DAB1: variants seen among roughly 807,000 people sequenced by gnomAD.
DAB1 encodes DAB adaptor protein 1, also known as disabled homolog 1.
Under a neutral mutation model 64.6 loss-of-function variants are expected in DAB1, and 15 were observed. The observed-to-expected ratio is 0.23, with a 90% confidence interval of 0.16 to 0.36. The LOEUF (loss-of-function observed/expected upper bound fraction) is 0.36. DAB1 is among the 10% of genes least tolerant of loss of function. The probability of loss-of-function intolerance (pLI) is 1.00; values close to 1 mark genes in which losing one functional copy is unlikely to be tolerated. For synonymous variants in DAB1, 235 were observed against 251.9 expected, an observed-to-expected ratio of 0.93 and a Z score of 0.64; for missense variants, 596 against 706.7, an observed-to-expected ratio of 0.84 and a Z score of 1.78.
chr1:57,824,090 A>C (rs1487783912), downstream of DAB1, among the ~76,000 whole-genome samples: 1 of 152,208 alleles, frequency 6.6e-6, no homozygotes, highest in Non-Finnish European at 1.5e-5. Flanking sequence ...CATTTCTGTC[A>C]ATTCATTTAG....
chr1:57,673,751 T>A (rs1483613930), intron 6 of DAB1, among the ~76,000 whole-genome samples: 2 of 152,182 alleles, frequency 1.3e-5, no homozygotes, highest in Admixed American at 6.6e-5. Context: ...TAAAATTCTT[T>A]CAGATTTGAA....
intron 3 of DAB1, among the ~76,000 whole-genome samples, chr1:58,503,952 T>C (rs1645947689): frequency 6.6e-6 from 1 of 152,184 alleles, no homozygotes; most frequent in Non-Finnish European, 1.5e-5. Flanking sequence ...CCTTTCAAAA[T>C]ATATCCAGAA....
intron 3 of DAB1, among the ~76,000 whole-genome samples, chr1:58,486,911 G>A (rs946366537): frequency 2.0e-5 from 3 of 152,244 alleles, no homozygotes; most frequent in Admixed American, 1.3e-4. Flanking sequence ...AAAGGGGCAT[G>A]TGGTGAAGTT....
At chr1:57,116,621 C>T (rs114141068) in intron 4 of DAB1, among the ~76,000 whole-genome samples, 258 of 152,222 alleles carry the variant, frequency 1.7e-3, no homozygotes, top group Non-Finnish European at 2.6e-3. Context: ...GCAAAGTGGA[C>T]AGTTCAGTGT....
intron 4 of DAB1, among the ~76,000 whole-genome samples, chr1:57,077,322 C>A (rs1216086709): frequency 6.6e-6 from 1 of 152,124 alleles, no homozygotes; most frequent in Non-Finnish European, 1.5e-5. Context: ...TGGTTCTTCT[C>A]AATCTTACCC....
intron 3 of DAB1, among the ~76,000 whole-genome samples, chr1:58,485,256 A>AAAG (rs1645557772): frequency 6.9e-6 from 1 of 145,122 alleles, no homozygotes; most frequent in Non-Finnish European, 1.5e-5. Context: ...AAAAAAAAAA[A>AAAG]GCTGGCCTGG....
intron 4 of DAB1, among the ~76,000 whole-genome samples, chr1:58,309,137 C>T (rs1662373263): frequency 6.6e-6 from 1 of 152,102 alleles, no homozygotes; most frequent in African/African-American, 2.4e-5. Flanking sequence ...GATATTGTTT[C>T]TTTGTGAAGT....
At chr1:58,516,461 T>A (rs1646159201) in intron 2 of DAB1, among the ~76,000 whole-genome samples, 1 of 152,246 alleles carries the variant, frequency 6.6e-6, no homozygotes, top group Non-Finnish European at 1.5e-5. Flanking sequence ...CTTGTTATTC[T>A]ATGCTTAATT....
chr1:57,799,591 G>C (rs1651032276), intron 6 of DAB1, among the ~76,000 whole-genome samples: 1 of 151,820 alleles, frequency 6.6e-6, no homozygotes. Flanking sequence ...GATCTGGGGG[G>C]GGCTTTCAGG....
intron 1 of DAB1, among the ~76,000 whole-genome samples, chr1:57,342,996 G>A (rs543606055): frequency 6.7e-4 from 74 of 109,654 alleles, no homozygotes; most frequent in African/African-American, 2.5e-3. Flanking sequence ...ACCCGAGCGG[G>A]TTGCCACTGC....
At chr1:57,533,399 T>G (rs916478336) in intron 7 of DAB1, among the ~76,000 whole-genome samples, 4 of 152,012 alleles carry the variant, frequency 2.6e-5, no homozygotes, top group Admixed American at 6.6e-5. Context: ...ATGATTTTTT[T>G]TTTTACTTTT....
intron 2 of DAB1, among the ~76,000 whole-genome samples, chr1:57,157,438 G>T (rs939150416): frequency 2.0e-5 from 3 of 152,242 alleles, no homozygotes; most frequent in South Asian, 2.1e-4. Context: ...ATTTCTCATG[G>T]TTCTGGAGGC....
chr1:57,456,712 AT>A (rs1218984708), intron 7 of DAB1, among the ~76,000 whole-genome samples: 3 of 152,148 alleles, frequency 2.0e-5, no homozygotes, highest in African/African-American at 7.2e-5. Context: ...CCATTGAGTT[AT>A]TTTAAAATAT....
At chr1:57,883,028 G>A (rs538026980) in intron 1 of DAB1, among the ~76,000 whole-genome samples, 1 of 152,280 alleles carries the variant, frequency 6.6e-6, no homozygotes, top group South Asian at 2.1e-4. Context: ...ACTATATCAT[G>A]CATACAGTTT....
At chr1:57,691,522 C>T (rs1008978664) in intron 6 of DAB1, among the ~76,000 whole-genome samples, 1 of 152,126 alleles carries the variant, frequency 6.6e-6, no homozygotes, top group South Asian at 2.1e-4. Context: ...CACAATAAAT[C>T]TTGCTACTGA....
intron 9 of DAB1, among the ~76,000 whole-genome samples, chr1:57,056,438 A>C (rs1649767366): frequency 6.7e-6 from 1 of 149,554 alleles, no homozygotes; most frequent in Non-Finnish European, 1.5e-5. Context: ...ACAGGAGTTT[A>C]AGGATACAGT....
chr1:57,466,584 C>T (rs1423868206), intron 7 of DAB1, among the ~76,000 whole-genome samples: 1 of 152,150 alleles, frequency 6.6e-6, no homozygotes, highest in Non-Finnish European at 1.5e-5. Context: ...TTTATTCTCC[C>T]ACAGTTCTGC....
At chr1:58,398,456 T>A (rs1048625011) in intron 3 of DAB1, among the ~76,000 whole-genome samples, 1 of 152,208 alleles carries the variant, frequency 6.6e-6, no homozygotes, top group Non-Finnish European at 1.5e-5. Context: ...AGCCACACAG[T>A]TGTAAGAGGC....
intron 3 of DAB1, among the ~76,000 whole-genome samples, chr1:58,433,006 A>G (rs926374680): frequency 1.3e-5 from 2 of 152,214 alleles, no homozygotes; most frequent in Admixed American, 6.5e-5. Flanking sequence ...AAGCCGACTC[A>G]TACAGTACCC....
Sources: allele counts gnomAD v4.1 joint callset (sites outside exome capture counted in the v4.1 genomes callset), GRCh38; gene constraint gnomAD v4.1.1; transcripts MANE v1.5; gene names NCBI Gene and HGNC (gene_info 2026-07-23, HGNC 2026-07-21).